Variants in TMOD1 observed in about 807,000 individuals in gnomAD.
The protein encoded by TMOD1 is tropomodulin-1.
Under a neutral mutation model 40.6 loss-of-function variants are expected in TMOD1, and 17 were observed. The observed-to-expected ratio is 0.42, with a 90% CI of 0.29 to 0.63. TMOD1 has a LOEUF of 0.63. Among genes scored for constraint, TMOD1 ranks in the 20% least tolerant of loss-of-function variants. The pLI, the probability that TMOD1 is intolerant of heterozygous loss-of-function variation, is 0.22. For missense variants in TMOD1, 391 were observed against 447.6 expected (o/e 0.87, Z 1.14); for synonymous variants, 181 against 175.0 (o/e 1.03, Z -0.27).
intron 8 of TMOD1, among the ~76,000 whole-genome samples, chr9:97,572,421 C>T (rs1276992805): frequency 6.6e-6 from 1 of 152,116 alleles, no homozygotes; most frequent in Non-Finnish European, 1.5e-5. Flanking sequence ...CCCAGGAGAT[C>T]AGCCAGGAGC....
At chr9:97,527,288 A>G (rs1830030761) in intron 2 of TMOD1, among the ~76,000 whole-genome samples, 1 of 152,258 alleles carries the variant, frequency 6.6e-6, no homozygotes, top group Admixed American at 6.5e-5. Context: ...AGTTAACTCA[A>G]TAAATGTGAC....
chr9:97,582,062 G>A (rs1392784563), intron 8 of TMOD1, among the ~76,000 whole-genome samples: 4 of 152,156 alleles, frequency 2.6e-5, no homozygotes, highest in South Asian at 4.2e-4. Context: ...TAGACATGAT[G>A]TCCTTGCCCA....
At position 97,535,040 on chromosome 9, in the gene TMOD1, G is replaced by A. The variant is rs1454973872; in HGVS notation, c.120+10732G>A. The stretch of plus-strand genomic sequence containing the variant: ...TAGAACATGGGCTACTTGATGAAGG[G>A]AAGAGGCTCAGGAGGCTGGAGAGGT... On this transcript the variant is annotated intron_variant, in intron 2 of 9. Coordinates refer to ENST00000259365, the MANE Select transcript of TMOD1 (RefSeq NM_003275.4). Among the ~76,000 whole-genome samples the A allele has an allele frequency of 2.0e-5, 3 of 152,322 alleles. No homozygotes were observed. In the East Asian group the frequency reaches 5.8e-4, roughly 29 times the overall value.
intron 9 of TMOD1, among the ~76,000 whole-genome samples, chr9:97,593,495 A>G (rs1388135548): frequency 6.6e-6 from 1 of 152,132 alleles, no homozygotes; most frequent in East Asian, 1.9e-4. Context: ...GTCAGGTCAC[A>G]CCAGCTGTTA....
intron 1 of TMOD1, among the ~76,000 whole-genome samples, chr9:97,511,089 C>G (rs982625430): frequency 6.7e-6 from 1 of 148,294 alleles, no homozygotes; most frequent in East Asian, 2.6e-4. Context: ...CACACAGACA[C>G]ACACACACAC....
chr9:97,515,499 C>T (rs758740896), intron 1 of TMOD1, among the ~76,000 whole-genome samples: 1 of 152,142 alleles, frequency 6.6e-6, no homozygotes, highest in Non-Finnish European at 1.5e-5. Context: ...AGGCTGTTCT[C>T]GAACTCCTGA....
In TMOD1 at chr9:97,601,637, G is replaced by C. The variant is rs1041002495; in HGVS notation, c.*1939G>C. The C allele has an allele frequency of 1.0e-6, 1 of 957,082 alleles. No homozygotes were observed. The allele number at this position is 957,082 out of a possible 1,614,324, so 59.3% of individuals were successfully genotyped here. On this transcript the variant is annotated 3_prime_UTR_variant, in exon 10 of 10. Coordinates refer to ENST00000259365, the MANE Select transcript of TMOD1 (RefSeq NM_003275.4). ...AAAAGGCCAGACAGTAAAAATTTCC[G>C]ATTTTGCAGGCCACATAGTGTCTGT... is the stretch of plus-strand genomic sequence containing the variant.
At chr9:97,538,880 C>G (rs1830232147) in intron 2 of TMOD1, among the ~76,000 whole-genome samples, 1 of 151,964 alleles carries the variant, frequency 6.6e-6, no homozygotes, top group African/African-American at 2.4e-5. Flanking sequence ...TGGCATGCAC[C>G]TGTAATCCCA....
intron 1 of TMOD1, among the ~76,000 whole-genome samples, chr9:97,521,574 C>T (rs1338829713): frequency 1.3e-5 from 2 of 152,076 alleles, no homozygotes; most frequent in African/African-American, 2.4e-5. Context: ...AAGGTTTTTT[C>T]GTCGATACCA....
At chr9:97,597,768 G>C (rs753607099) in intron 9 of TMOD1, among the ~76,000 whole-genome samples, 1 of 150,630 alleles carries the variant, frequency 6.6e-6, no homozygotes, top group South Asian at 2.1e-4. Flanking sequence ...ATCCGGCCCA[G>C]TGGACACAAT....
At chr9:97,592,439 A>G (rs1388255069) in intron 9 of TMOD1, among the ~76,000 whole-genome samples, 1 of 152,194 alleles carries the variant, frequency 6.6e-6, no homozygotes, top group Non-Finnish European at 1.5e-5. Context: ...GAAAAAAAAA[A>G]AAGAAAAGCC....
At chr9:97,559,772 T>TAAAAAAA (rs58522887) in intron 4 of TMOD1, among the ~76,000 whole-genome samples, 6 of 36,856 alleles carry the variant, frequency 1.6e-4, no homozygotes, top group East Asian at 1.6e-3. Context: ...CTCAAAAATT[T>TAAAAAAA]AAAAAAAAAA....
intron 9 of TMOD1, among the ~76,000 whole-genome samples, chr9:97,592,582 A>T (rs1364616647): frequency 6.6e-6 from 1 of 152,206 alleles, no homozygotes; most frequent in African/African-American, 2.4e-5. Context: ...GCCTAATATG[A>T]ATGCTCCACT....
At chr9:97,563,782 C>T (rs976555445) in intron 5 of TMOD1, among the ~76,000 whole-genome samples, 3 of 152,164 alleles carry the variant, frequency 2.0e-5, no homozygotes, top group Admixed American at 2.0e-4. Context: ...CAGATGTAGA[C>T]CCAAGGTTCA....
intron 1 of TMOD1, among the ~76,000 whole-genome samples, chr9:97,515,918 T>G (rs1366961592): frequency 6.6e-6 from 1 of 152,200 alleles, no homozygotes; most frequent in Admixed American, 6.5e-5. Flanking sequence ...AGTTATATTT[T>G]TATGCGCTGC....
At chr9:97,525,203 TCTC>T (rs928566039) in intron 2 of TMOD1, among the ~76,000 whole-genome samples, 18 of 152,324 alleles carry the variant, frequency 1.2e-4, no homozygotes, top group African/African-American at 4.3e-4. Context: ...TGTTTATTCT[TCTC>T]CTTGCTGTCC....
At chr9:97,546,965 T>C (rs1318843142) in intron 3 of TMOD1, among the ~76,000 whole-genome samples, 2 of 145,790 alleles carry the variant, frequency 1.4e-5, no homozygotes, top group African/African-American at 5.1e-5. Flanking sequence ...CATCAGGACA[T>C]GAAGCCTAAG....
intron 2 of TMOD1, among the ~76,000 whole-genome samples, chr9:97,531,033 A>ACCCCCCCCCCCCCCCCCCCCCCC (rs202030181): frequency 5.1e-5 from 4 of 78,258 alleles, no homozygotes; most frequent in Non-Finnish European, 7.3e-5. Context: ...GGTGATCCAC[A>ACCCCCCCCCCCCCCCCCCCCCCC]CCCACCCCCC....
At chr9:97,569,101 C>G in intron 8 of TMOD1, 64 bp downstream of exon 8, 2 of 1,585,870 alleles carry the variant, frequency 1.3e-6, no homozygotes, top group Non-Finnish European at 1.7e-6. Context: ...TGCAGTGTTT[C>G]CCATGCTGCT....
Sources: allele counts gnomAD v4.1 joint callset (sites outside exome capture counted in the v4.1 genomes callset), GRCh38; gene constraint gnomAD v4.1.1; transcripts MANE v1.5; gene names NCBI Gene and HGNC (gene_info 2026-07-23, HGNC 2026-07-21).